Variants in RASA1 observed in about 807,000 individuals in gnomAD.
The protein encoded by RASA1 is ras GTPase-activating protein 1.
A neutral mutation model predicts 132.2 loss-of-function variants in RASA1; 25 were observed. The ratio of observed to expected loss-of-function variants is 0.19; its 90% CI spans 0.14 to 0.26. The LOEUF is 0.26. Among genes scored for constraint, RASA1 ranks in the 10% least tolerant of loss-of-function variants. The pLI is 1.00. For missense variants in RASA1, 964 were observed against 1,299.2 expected (o/e 0.74, Z 3.97); for synonymous variants, 477 against 449.9 (o/e 1.06, Z -0.76).
intron 15 of RASA1, among the ~76,000 whole-genome samples, chr5:87,375,732 C>G (rs554448505): frequency 6.6e-6 from 1 of 152,224 alleles, no homozygotes; most frequent in African/African-American, 2.4e-5. Flanking sequence ...TGAGATTTAC[C>G]AGTTCACATC....
chr5:87,317,130 G>A (rs187137004), intron 1 of RASA1, among the ~76,000 whole-genome samples: 39 of 152,226 alleles, frequency 2.6e-4, no homozygotes, highest in African/African-American at 3.6e-4. Context: ...TGATCTGCCC[G>A]CCTTAACCTC....
intron 5 of RASA1, among the ~76,000 whole-genome samples, chr5:87,339,995 C>T (rs1758319426): frequency 1.3e-5 from 2 of 152,066 alleles, no homozygotes; most frequent in Non-Finnish European, 2.9e-5. Context: ...TTTATACTTT[C>T]ATGTATTAAC....
Position 87,353,144 on chromosome 5 carries a change from T to A in RASA1, c.1254-13T>A. 2 of 1,597,780 alleles carry A rather than the reference T, an allele frequency of 1.3e-6. No individual in the cohort carries two copies. Among genetic ancestry groups the A allele is most frequent in the Non-Finnish European group, 1.7e-6 (2 of 1,166,278 alleles). On this transcript the variant is annotated splice_polypyrimidine_tract_variant and intron_variant, in intron 8 of 24. Coordinates refer to ENST00000274376, the MANE Select transcript of RASA1 (RefSeq NM_002890.3). ...ATGAGACAGATTAATACTAGAAATTTTTATTTTAACAGCATTGGGGACATC... is the reference window on the plus strand; with the variant it reads ...ATGAGACAGATTAATACTAGAAATTATTATTTTAACAGCATTGGGGACATC...
chr5:87,379,821 A>G lies in RASA1; in HGVS notation c.2574A>G (p.Lys858=). The change falls in exon 19 of 25, where the codon AAA becomes AAG. Residue 858 remains lysine, a synonymous_variant. Transcript: ENST00000274376. ...LLNILSELVE[K]IFMASEILPP... is the part of the protein sequence containing the mutation. The stretch of plus-strand genomic sequence containing the variant: ...ACATACTTTCAGAGCTTGTGGAGAA[A>G]ATATTCATGGCTTCAGAAATACTTC... 6.2e-7 allele frequency: 1 copy of G among 1,612,814 alleles called. No homozygotes were observed. The highest frequency in any genetic ancestry group is 1.1e-5 in the South Asian group (1 of 91,056).
chr5:87,338,536 A>ATATATATATATATATATATATTTT, intron 5 of RASA1, among the ~76,000 whole-genome samples: 9 of 85,220 alleles, frequency 1.1e-4, no homozygotes, highest in South Asian at 7.8e-4. Context: ...TATATATAAA[A>ATATATATATATATATATATATTTT]TTTTTTTTTT....
intron 1 of RASA1, among the ~76,000 whole-genome samples, chr5:87,278,909 CTTTTTTT>C (rs58122450): frequency 3.3e-3 from 280 of 84,020 alleles, no homozygotes; most frequent in African/African-American, 0.012. Flanking sequence ...CTAATTTGTT[CTTTTTTT>C]TTTTTTTTTT....
At chr5:87,272,013 G>A (rs910665041) in intron 1 of RASA1, among the ~76,000 whole-genome samples, 2 of 151,756 alleles carry the variant, frequency 1.3e-5, no homozygotes, top group African/African-American at 4.8e-5. Context: ...TCAGCCGGTC[G>A]TGTTGGCGGG....
chr5:87,280,703 A>G (rs1301014089), intron 1 of RASA1, among the ~76,000 whole-genome samples: 1 of 152,074 alleles, frequency 6.6e-6, no homozygotes, highest in Admixed American at 6.6e-5. Flanking sequence ...GGATTTTTTT[A>G]AATTGTTGAG....
At chr5:87,359,129 A>G (rs1446890587) in intron 9 of RASA1, among the ~76,000 whole-genome samples, 16 of 152,216 alleles carry the variant, frequency 1.1e-4, no homozygotes, top group South Asian at 2.1e-4. Flanking sequence ...CTCAAGAACT[A>G]CAACAGTGCC....
intron 23 of RASA1, among the ~76,000 whole-genome samples, chr5:87,388,141 ATTACT>A (rs533419701): frequency 6.6e-6 from 1 of 152,180 alleles, no homozygotes; most frequent in Non-Finnish European, 1.5e-5. Context: ...TGTTGCTATG[ATTACT>A]TTATTCTAAA....
chr5:87,362,769 AGTT>A, intron 10 of RASA1, 98 bp downstream of exon 10: 1 of 1,393,422 alleles, frequency 7.2e-7, no homozygotes, highest in Non-Finnish European at 1.0e-6. Flanking sequence ...TTTTGACATG[AGTT>A]ATTAGTAATT....
chr5:87,270,188 G>T, intron 1 of RASA1, among the ~76,000 whole-genome samples: 1 of 148,242 alleles, frequency 6.7e-6, no homozygotes, highest in Non-Finnish European at 1.5e-5. Flanking sequence ...GTTGCAGTGA[G>T]CCGAGATCGT....
intron 1 of RASA1, among the ~76,000 whole-genome samples, chr5:87,281,545 C>CT (rs748715255): frequency 1.3e-5 from 2 of 151,648 alleles, no homozygotes; most frequent in South Asian, 2.1e-4. Context: ...ATATATATAT[C>CT]TTTTTTTTGA....
rs1580356511 is a variant in RASA1, at chr5:87,363,370, T to C, written c.1476T>C (p.Asn492=). The C allele has an allele frequency of 2.5e-6, 4 of 1,610,146 alleles. No homozygotes were observed. The highest frequency in any genetic ancestry group is 1.7e-6 in the Non-Finnish European group (2 of 1,177,372). The change falls in exon 11 of 25, where the codon AAT becomes AAC. Residue 492 remains asparagine (N), a synonymous_variant. Transcript: ENST00000274376. ...LKKGKGKRWK[N]LYFILEGSDA... is the part of the protein sequence containing the mutation. The stretch of plus-strand genomic sequence containing the variant: ...CAGGCAAAGGAAAACGTTGGAAAAA[T>C]TTATATTTTATCTTAGAGGGTAGTG...
intron 15 of RASA1, 87 bp from the exon 16 acceptor site, chr5:87,376,306 G>A (rs762938712): frequency 2.3e-5 from 33 of 1,463,640 alleles, no homozygotes; most frequent in Non-Finnish European, 2.8e-5. Context: ...AACACCATAG[G>A]GAAGACTGAA....
chr5:87,386,990 A>AT, intron 23 of RASA1, 87 bp downstream of exon 23: 1 of 1,241,120 alleles, frequency 8.1e-7, no homozygotes, highest in African/African-American at 1.5e-5. Context: ...CTTTAGAAAG[A>AT]TTTTCTATCC....
At chr5:87,371,034 A>AT (rs1366783328) in intron 12 of RASA1, among the ~76,000 whole-genome samples, 1 of 152,088 alleles carries the variant, frequency 6.6e-6, no homozygotes, top group Non-Finnish European at 1.5e-5. Flanking sequence ...AACTTACATG[A>AT]TTTTTTTAAA....
chr5:87,389,269 T>G, intron 23 of RASA1, 124 bp from the exon 24 acceptor site: 1 of 1,259,126 alleles, frequency 7.9e-7, no homozygotes, highest in Non-Finnish European at 1.1e-6. Context: ...AGGCGGAGGT[T>G]GCAGTGAGCC....
intron 1 of RASA1, among the ~76,000 whole-genome samples, chr5:87,322,604 T>TA (rs1419149009): frequency 6.6e-6 from 1 of 151,972 alleles, no homozygotes; most frequent in East Asian, 1.9e-4. Context: ...CTGCCATGAG[T>TA]AAAAGCTTCC....
Sources: gnomAD v4.1 joint callset for allele counts (sites outside exome capture counted in the v4.1 genomes callset) on GRCh38, gnomAD v4.1.1 for gene constraint, MANE v1.5 for transcripts, NCBI Gene and HGNC (gene_info 2026-07-23, HGNC 2026-07-21) for gene names.